MYH9: variants seen among roughly 807,000 people sequenced by gnomAD.
MYH9 encodes the protein myosin heavy chain 9.
In MYH9, 29 loss-of-function variants were observed where a neutral mutation model predicts 241.9. The observed-to-expected ratio is 0.12, with a 90% CI of 0.09 to 0.16. MYH9 has a LOEUF of 0.16. Ranked by LOEUF, MYH9 falls within the 10% of genes least tolerant of loss-of-function variation. The pLI is 1.00. For missense variants in MYH9, 1,803 were observed against 2,595.5 expected, an observed-to-expected ratio of 0.69 and a Z score of 6.63; for synonymous variants, 1,047 against 1,062.6, an observed-to-expected ratio of 0.99 and a Z score of 0.29.
At chr22:36,324,935 A>G in intron 5 of MYH9, 2 of 641,862 alleles carry the variant, frequency 3.1e-6, no homozygotes, top group Non-Finnish European at 5.6e-6. Context: ...CATATGATCT[A>G]TTTCACTGCT....
intron 1 of MYH9, among the ~76,000 whole-genome samples, chr22:36,350,657 G>C (rs975009873): frequency 6.6e-6 from 1 of 152,224 alleles, no homozygotes; most frequent in Non-Finnish European, 1.5e-5. Context: ...CTGTAAACCA[G>C]GTAAGGTATA....
intron 19 of MYH9, 40 bp from the exon 20 acceptor site, chr22:36,302,716 A>G (rs2016900803): frequency 6.4e-7 from 1 of 1,558,792 alleles, no homozygotes; most frequent in East Asian, 2.2e-5. Flanking sequence ...AGCAGTGGAC[A>G]GCAGACCCGA....
Position 36,306,291 on chromosome 22 carries a change from A to G in MYH9, c.2037+123T>C. On this transcript the variant is annotated intron_variant, in intron 16 of 40. Transcript: ENST00000216181. The surrounding 1 kb of genome is among the most constrained non-coding windows in gnomAD (Gnocchi z 4.1). Reference sequence around the variant, plus strand: ...GCGAGCCAAGGCCCACCCTGCAGAGAAACGACTGAAGGCTCTGTGCATGCT... The same window carrying G: ...GCGAGCCAAGGCCCACCCTGCAGAGGAACGACTGAAGGCTCTGTGCATGCT... 1 of 1,375,312 alleles carries G rather than the reference A, an allele frequency of 7.3e-7. No individual in the cohort carries two copies. The highest frequency in any genetic ancestry group is 1.0e-6 in the Non-Finnish European group (1 of 993,172). 85.2% of individuals were successfully genotyped at this position (1,375,312 alleles called of 1,614,324 possible). A position where few individuals can be genotyped will look rare whatever the true frequency, so the allele number is the denominator to read the frequency against.
chr22:36,387,179 C>T (rs987524619), intron 1 of MYH9, among the ~76,000 whole-genome samples: 2 of 152,210 alleles, frequency 1.3e-5, no homozygotes, highest in Admixed American at 1.3e-4. Context: ...CCGGGCCCTC[C>T]CCGACCAGTC....
chr22:36,294,901 C>T (rs1456722216), intron 27 of MYH9, 31 bp downstream of exon 27: 1 of 1,608,106 alleles, frequency 6.2e-7, no homozygotes, highest in Non-Finnish European at 8.5e-7. Context: ...GAACCCTGCC[C>T]TCCCCCTGCG....
chr22:36,310,759 T>A (rs949769308), intron 14 of MYH9, among the ~76,000 whole-genome samples: 1 of 152,200 alleles, frequency 6.6e-6, no homozygotes, highest in Non-Finnish European at 1.5e-5. Context: ...GGCCCCTTGG[T>A]GGGCTTTAGG....
At chr22:36,369,825 G>C (rs962672959) in intron 1 of MYH9, among the ~76,000 whole-genome samples, 1 of 152,158 alleles carries the variant, frequency 6.6e-6, no homozygotes, top group African/African-American at 2.4e-5. Context: ...AGCTGGGAGA[G>C]GATTTTAGAT....
At chr22:36,379,055 G>A (rs1185140386) in intron 1 of MYH9, among the ~76,000 whole-genome samples, 2 of 152,104 alleles carry the variant, frequency 1.3e-5, no homozygotes, top group Non-Finnish European at 2.9e-5. Context: ...CAGTAGGGAG[G>A]GTTTTCATTG....
rs56058205 is a variant in MYH9, at chr22:36,281,507, TA to T, written c.*1160del. On this transcript the variant is annotated 3_prime_UTR_variant, in exon 41 of 41. Coordinates refer to ENST00000216181, the MANE Select transcript of MYH9 (RefSeq NM_002473.6). ...TCATGATTTGAGAGTTTGTTTCCTT[TA>T]AAAAAAAAAAATGCCTTCTTGCCGT... 39,292 of 194,486 alleles carry T rather than the reference TA, an allele frequency of 0.2. 2,893 individuals are homozygous for T. Among genetic ancestry groups the T allele is most frequent in the African/African-American group, 0.3 (12,881 of 43,320 alleles). The allele number at this position is 194,486 out of a possible 1,614,324, so 12.0% of individuals were successfully genotyped here.
At chr22:36,355,962 A>G (rs1603484197) in intron 1 of MYH9, among the ~76,000 whole-genome samples, 1 of 152,310 alleles carries the variant, frequency 6.6e-6, no homozygotes, top group East Asian at 1.9e-4. Flanking sequence ...TGGGTGCTAA[A>G]AGTAAGAAAG....
chr22:36,326,579 T>C lies in MYH9; in HGVS notation c.601A>G (p.Lys201Glu). Residue 201 changes from lysine to glutamate, a missense_variant, in exon 5 of 41, where the codon AAG (lysine) becomes GAG (glutamate). Around this residue, in one of 11 missense-constraint regions of MYH9, gnomAD observed 222 missense variants for 359.9 expected, o/e 0.62. Coordinates refer to ENST00000216181, the MANE Select transcript of MYH9 (RefSeq NM_002473.6). ...LAYVASSHKS[K>E]KDQGELERQL... ...GCTGCAGCACTCACCTGGTCCTTCTTGCTCTTGTGCGAGGACGCCACGTAC... is the reference window on the plus strand; with the variant it reads ...GCTGCAGCACTCACCTGGTCCTTCTCGCTCTTGTGCGAGGACGCCACGTAC... 6.2e-7 allele frequency: 1 copy of C among 1,614,214 alleles called. No homozygotes were observed. The highest frequency in any genetic ancestry group is 1.3e-5 in the African/African-American group (1 of 75,068).
rs978304912 is a variant in MYH9 at position 36,288,470 on chromosome 22, T to C, written c.4771-57A>G. The C allele has an allele frequency of 6.9e-6, 11 of 1,598,056 alleles. No individual in the cohort carries two copies. In the Admixed American group the frequency reaches 1.7e-4, roughly 24 times the overall value. On this transcript the variant is annotated intron_variant, in intron 33 of 40. Coordinates refer to ENST00000216181, the MANE Select transcript of MYH9 (RefSeq NM_002473.6). This position sits in a 1 kb window ranked among gnomAD's most constrained non-coding sequence, Gnocchi z 4.8. ...CTGGACCCACTGGGAGACCCTGCCC[T>C]AGCTCTGAACTCAGGAGCCTCAGGC... is the stretch of plus-strand genomic sequence containing the variant.
At chr22:36,385,157 C>T (rs537247453) in intron 1 of MYH9, among the ~76,000 whole-genome samples, 1 of 149,110 alleles carries the variant, frequency 6.7e-6, no homozygotes, top group South Asian at 2.1e-4. Context: ...TGTCAAGGCA[C>T]GGGTTTTTTT....
At chr22:36,290,963 C>CT (rs1269361164) in intron 31 of MYH9, among the ~76,000 whole-genome samples, 13 of 151,854 alleles carry the variant, frequency 8.6e-5, no homozygotes, top group Admixed American at 7.9e-4. Flanking sequence ...GCCGCCCCGT[C>CT]TGAGAGGTGA....
At chr22:36,307,541 C>G (rs1333181648) in intron 15 of MYH9, among the ~76,000 whole-genome samples, 1 of 152,210 alleles carries the variant, frequency 6.6e-6, no homozygotes, top group Non-Finnish European at 1.5e-5. Context: ...AAAAAGGATG[C>G]TTGCTTAAGA....
In MYH9 at chr22:36,293,515, G is replaced by T; in HGVS notation, c.3943-34C>A. 6.2e-7 allele frequency: 1 copy of T among 1,609,872 alleles called. No homozygotes were observed. ...GGGTTGAGAGGGGTGCGGGTGCTTAGGAGGGTGGTGTCCAAAACCCAGGAA... is the reference window on the plus strand; with the variant it reads ...GGGTTGAGAGGGGTGCGGGTGCTTATGAGGGTGGTGTCCAAAACCCAGGAA... On this transcript the variant is annotated intron_variant, in intron 29 of 40. Transcript: ENST00000216181. This position sits in a 1 kb window ranked among gnomAD's most constrained non-coding sequence, Gnocchi z 5.1.
chr22:36,323,259 G>A (rs1012820532), intron 5 of MYH9, among the ~76,000 whole-genome samples: 2 of 152,250 alleles, frequency 1.3e-5, no homozygotes, highest in African/African-American at 4.8e-5. Context: ...AGGAAGCTGA[G>A]GCCAAGGGAG....
rs578249263 is a variant in MYH9, at chr22:36,368,168, G to T, written c.-19-18913C>A. On this transcript the variant is annotated intron_variant, in intron 1 of 40. Transcript: ENST00000216181. The stretch of plus-strand genomic sequence containing the variant: ...CTCCCTTTCTTCATCTGTACAATGG[G>T]AATGAAAAGGCCCACCTCCCAGGAC... Among the ~76,000 whole-genome samples the T allele has an allele frequency of 9.5e-4, 145 of 152,158 alleles. 3 individuals carry two copies. Among genetic ancestry groups the T allele is most frequent in the Non-Finnish European group, 1.0e-3 (69 of 68,022 alleles).
Position 36,314,404 on chromosome 22 carries a change from G to T in MYH9, c.1381-86C>A, listed in dbSNP as rs566467523. ...CCCCTTGAGAAGGAGGGTGGGGCAGGGATACAGGAAGGGCCTCCTTGGGCA... is the reference window on the plus strand; with the variant it reads ...CCCCTTGAGAAGGAGGGTGGGGCAGTGATACAGGAAGGGCCTCCTTGGGCA... On this transcript the variant is annotated intron_variant, in intron 12 of 40. Transcript: ENST00000216181. 3.2e-6 allele frequency: 5 copies of T among 1,546,290 alleles called. No homozygotes were observed. The East Asian group carries it at 1.1e-4, about 35-fold the overall frequency.
Sources: allele counts gnomAD v4.1 joint callset (sites outside exome capture counted in the v4.1 genomes callset), GRCh38; gene constraint gnomAD v4.1.1; regional missense constraint gnomAD v4.1.1; non-coding constraint Gnocchi (gnomAD v3.1); transcripts MANE v1.5; gene names NCBI Gene and HGNC (gene_info 2026-07-23, HGNC 2026-07-21).